The following CNTRL variants were observed in gnomAD, a reference collection of about 807,000 sequenced individuals.
CNTRL encodes the protein 110 kDa centrosomal protein.
A neutral mutation model predicts 303.7 loss-of-function variants in CNTRL; 233 were observed. That is an observed-to-expected ratio of 0.77 (90% CI 0.69 to 0.86). The LOEUF (loss-of-function observed/expected upper bound fraction) is 0.86. Among genes scored for constraint, CNTRL ranks in the 40% least tolerant of loss-of-function variants. CNTRL has a pLI of 0.00. For synonymous variants in CNTRL, 900 were observed against 922.2 expected, an observed-to-expected ratio of 0.98 and a Z score of 0.44; for missense variants, 2,524 against 2,650.6, an observed-to-expected ratio of 0.95 and a Z score of 1.05.
chr9:121,145,115 C>G, intron 21 of CNTRL, 129 bp from the exon 22 acceptor site: 2 of 1,209,220 alleles, frequency 1.7e-6, no homozygotes, highest in South Asian at 1.5e-5. Context: ...GGTGCAGTTT[C>G]CAAGTAATGC....
chr9:121,150,349 A>C lies in CNTRL; in HGVS notation c.3829A>C (p.Thr1277Pro), dbSNP rs1018922535. Residue 1277 changes from threonine (T) to proline (P), a missense_variant, in exon 25 of 44, where the codon ACC (threonine) becomes CCC (proline). Thr to Pro is a conservative substitution (Grantham distance 38, BLOSUM62 -1). Coordinates refer to ENST00000373855, the MANE Select transcript of CNTRL (RefSeq NM_007018.6). ...PPLPNNSRPLTPGTVVYGPPP... is the reference protein window; with the variant it reads ...PPLPNNSRPLPPGTVVYGPPP... ...CTTGCCAAACAATAGCCGACCTCTC[A>C]CCCCTGGCACTGTTGTTTATGGCCC... 1 of 1,613,824 alleles carries C rather than the reference A, an allele frequency of 6.2e-7. No individual in the cohort carries two copies. Among genetic ancestry groups the C allele is most frequent in the African/African-American group, 1.3e-5 (1 of 74,818 alleles).
At chr9:121,083,353 A>G (rs1167996208) in intron 2 of CNTRL, among the ~76,000 whole-genome samples, 1 of 152,188 alleles carries the variant, frequency 6.6e-6, no homozygotes, top group Admixed American at 6.5e-5. Context: ...ACCTTATTCT[A>G]TAAGCTTTTT....
rs200179809 is a variant in CNTRL, at chr9:121,140,717, G to A, written c.2414G>A (p.Arg805His). The A allele has an allele frequency of 2.0e-5, 32 of 1,613,362 alleles. No individual in the cohort carries two copies. The highest frequency in any genetic ancestry group is 2.5e-5 in the Non-Finnish European group (30 of 1,179,610). The part of the protein sequence containing the change: ...HLNHVVDGLV[R>H]PEEVAARVDE... ...AACCATGTGGTTGATGGTTTGGTTCGTCCAGAAGAAGTGGCAGCTCGTGTG... is the reference window on the plus strand; with the variant it reads ...AACCATGTGGTTGATGGTTTGGTTCATCCAGAAGAAGTGGCAGCTCGTGTG... Residue 805 changes from arginine to histidine, a missense_variant, in exon 17 of 44, where the codon CGT becomes CAT. Transcript: ENST00000373855.
intron 7 of CNTRL, among the ~76,000 whole-genome samples, chr9:121,107,383 C>T (rs763844744): frequency 6.6e-6 from 1 of 152,092 alleles, no homozygotes; most frequent in East Asian, 1.9e-4. Context: ...ATCAGCTTTT[C>T]GCAAGCCTTT....
At chr9:121,107,142 C>G (rs2049514453) in intron 7 of CNTRL, among the ~76,000 whole-genome samples, 1 of 152,044 alleles carries the variant, frequency 6.6e-6, no homozygotes, top group Non-Finnish European at 1.5e-5. Flanking sequence ...AGGATAGGGC[C>G]TGGGCAGGCT....
chr9:121,158,417 G>A (rs867590505), intron 30 of CNTRL, among the ~76,000 whole-genome samples: 1 of 151,536 alleles, frequency 6.6e-6, no homozygotes, highest in Non-Finnish European at 1.5e-5. Context: ...AGTATTTTCT[G>A]TTGTCTTCCT....
At chr9:121,093,016 C>G (rs1375926781) in intron 4 of CNTRL, among the ~76,000 whole-genome samples, 1 of 150,560 alleles carries the variant, frequency 6.6e-6, no homozygotes, top group Non-Finnish European at 1.5e-5. Context: ...ACCATGTTGG[C>G]CAGGATGGTC....
At chr9:121,127,464 A>T (rs914506927) in intron 14 of CNTRL, among the ~76,000 whole-genome samples, 1 of 152,054 alleles carries the variant, frequency 6.6e-6, no homozygotes, top group African/African-American at 2.4e-5. Flanking sequence ...CATTCTTGCC[A>T]CATCCTTGCC....
intron 30 of CNTRL, 119 bp from the exon 31 acceptor site, chr9:121,158,736 G>A: frequency 1.0e-6 from 1 of 982,524 alleles, no homozygotes; most frequent in East Asian, 2.4e-5. Context: ...TGGCTTTTCT[G>A]ACTCTTGGGG....
intron 23 of CNTRL, among the ~76,000 whole-genome samples, chr9:121,147,070 T>C (rs2134125579): frequency 6.6e-6 from 1 of 152,356 alleles, no homozygotes; most frequent in East Asian, 1.9e-4. Context: ...TGGTGTGATC[T>C]TGGCTCCTTG....
At chr9:121,113,200 A>C (rs539941684) in intron 9 of CNTRL, among the ~76,000 whole-genome samples, 2 of 152,212 alleles carry the variant, frequency 1.3e-5, no homozygotes, top group South Asian at 2.1e-4. Flanking sequence ...TTCTAATTTG[A>C]GAGATCAAGC....
At chr9:121,157,633 A>T in intron 28 of CNTRL, 33 bp downstream of exon 28, 1 of 1,606,772 alleles carries the variant, frequency 6.2e-7, no homozygotes, top group Non-Finnish European at 8.5e-7. Flanking sequence ...TGATGTATAC[A>T]TTGAGATGAA....
rs750637219 is a variant in CNTRL, at chr9:121,169,775, G to A, written c.6235G>A (p.Ala2079Thr). Residue 2079 changes from alanine (A) to threonine (T), a missense_variant, in exon 39 of 44, where the codon GCA becomes ACA. By Grantham distance (58) the Ala-to-Thr change is moderately conservative. Transcript: ENST00000373855. ...GAAGCAGGTGGCCAGCCTGAAGGAA[G>A]CACTTAAGATCCAGCGGAGCCAGCT... ...AEKQVASLKE[A>T]LKIQRSQLEK... 5.0e-6 allele frequency: 8 copies of A among 1,614,192 alleles called. No individual in the cohort carries two copies. Among genetic ancestry groups the A allele is most frequent in the Non-Finnish European group, 6.8e-6 (8 of 1,180,030 alleles).
intron 20 of CNTRL, 83 bp downstream of exon 20, chr9:121,144,165 T>C: frequency 8.4e-7 from 1 of 1,195,886 alleles, no homozygotes; most frequent in Non-Finnish European, 1.2e-6. Context: ...GATCTTGCTA[T>C]AGACATTGGT....
chr9:121,077,807 G>A (rs1415471769), intron 1 of CNTRL, among the ~76,000 whole-genome samples: 4 of 121,056 alleles, frequency 3.3e-5, no homozygotes, highest in East Asian at 2.8e-4. Flanking sequence ...TTAGCCAAGC[G>A]TGGTTATATG....
rs551110523 is a variant in CNTRL at position 121,093,232 on chromosome 9, G to T, written c.349-1656G>T. Among the ~76,000 whole-genome samples, 4 of 152,200 alleles carry T rather than the reference G, an allele frequency of 2.6e-5. No homozygotes were observed. The East Asian group carries it at 7.7e-4, about 29-fold the overall frequency. On this transcript the variant is annotated intron_variant, in intron 4 of 43. Coordinates refer to ENST00000373855, the MANE Select transcript of CNTRL (RefSeq NM_007018.6). ...CATAATCCATGTTTGATAAATATTT[G>T]TGGAATGGGTGAATGAATTATAATC...
intron 8 of CNTRL, among the ~76,000 whole-genome samples, 163 bp from the exon 9 acceptor site, chr9:121,112,296 T>G (rs1462608106): frequency 6.6e-6 from 1 of 152,214 alleles, no homozygotes; most frequent in Admixed American, 6.5e-5. Flanking sequence ...TTTCATTTTT[T>G]ATAATTTAGA....
chr9:121,173,756 CAAAA>C lies in CNTRL; in HGVS notation c.6747+22_6747+25del. ...ACTCAAGGTTGCCCTTTAAAACAAA[CAAAA>C]AATCAGTATGAGATACTGGGCACAT... On this transcript the variant is annotated intron_variant, in intron 42 of 43. Coordinates refer to ENST00000373855, the MANE Select transcript of CNTRL (RefSeq NM_007018.6). 1 of 1,612,464 alleles carries C rather than the reference CAAAA, an allele frequency of 6.2e-7. No individual in the cohort carries two copies. The highest frequency in any genetic ancestry group is 1.3e-5 in the African/African-American group (1 of 74,958).
intron 34 of CNTRL, 88 bp from the exon 35 acceptor site, chr9:121,164,855 C>T (rs2053020352): frequency 6.2e-6 from 6 of 961,126 alleles, no homozygotes; most frequent in Non-Finnish European, 9.1e-6. Flanking sequence ...CTTTCCATAA[C>T]TGTATGTTGT....
Sources: gnomAD v4.1 joint callset for allele counts (sites outside exome capture counted in the v4.1 genomes callset) on GRCh38, gnomAD v4.1.1 for gene constraint, MANE v1.5 for transcripts, NCBI Gene and HGNC (gene_info 2026-07-23, HGNC 2026-07-21) for gene names.